Variants in NAV2 observed in about 807,000 individuals in gnomAD.
NAV2 encodes helicase, APC down-regulated 1.
In NAV2, 54 loss-of-function variants were observed where a neutral mutation model predicts 223.2. The observed-to-expected ratio is 0.24, with a 90% CI of 0.19 to 0.30. The LOEUF (loss-of-function observed/expected upper bound fraction) is 0.30. NAV2 is among the 10% of genes least tolerant of loss of function. NAV2 has a pLI of 1.00. For synonymous variants in NAV2, 1,279 were observed against 1,239.3 expected, an observed-to-expected ratio of 1.03 and a Z score of -0.67; for missense variants, 2,806 against 3,147.5, an observed-to-expected ratio of 0.89 and a Z score of 2.60.
At chr11:19,909,801 C>T (rs751483017) in intron 6 of NAV2, among the ~76,000 whole-genome samples, 1 of 152,136 alleles carries the variant, frequency 6.6e-6, no homozygotes, top group Non-Finnish European at 1.5e-5. Flanking sequence ...TCATGTTCCT[C>T]CTCCTCCTCT....
chr11:19,413,887 C>A (rs1307935337), intron 1 of NAV2, among the ~76,000 whole-genome samples: 1 of 152,080 alleles, frequency 6.6e-6, no homozygotes, highest in African/African-American at 2.4e-5. Flanking sequence ...ATTTTACCAC[C>A]ACCAGGCCTG....
intron 1 of NAV2, among the ~76,000 whole-genome samples, chr11:19,432,784 T>C (rs1851081221): frequency 6.6e-6 from 1 of 152,222 alleles, no homozygotes; most frequent in South Asian, 2.1e-4. Context: ...CCAGGGTTTC[T>C]GTGAGGCCCA....
At chr11:19,971,513 G>A (rs552347301) in intron 10 of NAV2, among the ~76,000 whole-genome samples, 47 of 152,164 alleles carry the variant, frequency 3.1e-4, no homozygotes, top group African/African-American at 7.5e-4. Context: ...TGGGCCCCCC[G>A]GTAACACCCC....
At chr11:19,645,164 A>G (rs1392092845) in intron 1 of NAV2, among the ~76,000 whole-genome samples, 1 of 152,162 alleles carries the variant, frequency 6.6e-6, no homozygotes, top group Non-Finnish European at 1.5e-5. Context: ...AGAGGAATTC[A>G]TTTATTTGCC....
chr11:19,346,500 G>A (rs902912274), upstream of NAV2, among the ~76,000 whole-genome samples: 1 of 152,268 alleles, frequency 6.6e-6, no homozygotes, highest in Non-Finnish European at 1.5e-5. Flanking sequence ...CCTCCCGGGT[G>A]TGCGCTCCGC....
intron 1 of NAV2, among the ~76,000 whole-genome samples, chr11:19,391,423 C>A (rs1162618397): frequency 6.6e-6 from 1 of 152,196 alleles, no homozygotes; most frequent in Non-Finnish European, 1.5e-5. Context: ...TTCATCATCA[C>A]CCTCGAGTTA....
chr11:20,045,356 C>T lies in NAV2; in HGVS notation c.3588C>T (p.Pro1196=), dbSNP rs755760685. ...TNLQYRSLPR[P]SKSNSRNGAG... ...TTCAGTACCGGAGTTTGCCGAGGCC[C>T]AGTAAGTCCAACAGCCGGAACGGGG... is the stretch of plus-strand genomic sequence containing the variant. The change falls in exon 14 of 38, where the codon CCC becomes CCT. Residue 1196 remains proline, a synonymous_variant. Transcript: ENST00000349880. The T allele has an allele frequency of 4.8e-5, 77 of 1,614,140 alleles. No homozygotes were observed. Among genetic ancestry groups the T allele is most frequent in the Non-Finnish European group, 6.4e-5 (76 of 1,180,020 alleles).
At chr11:19,996,769 T>C (rs1462568880) in intron 11 of NAV2, among the ~76,000 whole-genome samples, 2 of 152,218 alleles carry the variant, frequency 1.3e-5, no homozygotes, top group African/African-American at 4.8e-5. Flanking sequence ...TCCACTGTGC[T>C]CTTTGATTTA....
intron 1 of NAV2, among the ~76,000 whole-genome samples, chr11:19,679,557 G>C (rs7104439): frequency 0.017 from 2,519 of 152,204 alleles, 64 homozygotes; most frequent in African/African-American, 0.058. Context: ...GTTTAGAAGA[G>C]AGAGATGATT....
intron 1 of NAV2, among the ~76,000 whole-genome samples, chr11:19,763,792 TTTTTTTTG>T (rs1178940992): frequency 2.6e-4 from 18 of 69,586 alleles, no homozygotes; most frequent in Admixed American, 8.2e-4. Flanking sequence ...TGTTTTTTTG[TTTTTTTTG>T]TTTTTTTTTT....
At chr11:20,009,695 A>T (rs139649306) in intron 11 of NAV2, among the ~76,000 whole-genome samples, 4 of 152,190 alleles carry the variant, frequency 2.6e-5, no homozygotes, top group African/African-American at 9.6e-5. Context: ...TTACTATGAG[A>T]TCTGGCTCCT....
chr11:19,844,217 A>G (rs1165393288), intron 3 of NAV2, among the ~76,000 whole-genome samples: 1 of 152,242 alleles, frequency 6.6e-6, no homozygotes, highest in African/African-American at 2.4e-5. Context: ...TGGATGATAG[A>G]AGACTTAATT....
chr11:19,556,528 T>C (rs1301329955), intron 1 of NAV2, among the ~76,000 whole-genome samples: 1 of 152,236 alleles, frequency 6.6e-6, no homozygotes, highest in East Asian at 1.9e-4. Flanking sequence ...TTGATGAGCC[T>C]ATGGGCTTAC....
chr11:19,948,572 G>A, intron 9 of NAV2, 119 bp from the exon 10 acceptor site: 1 of 1,106,130 alleles, frequency 9.0e-7, no homozygotes, highest in South Asian at 2.2e-5. Flanking sequence ...ATGGGGGCTG[G>A]CTGTTTTATC....
rs2060011323 is a variant in NAV2 at position 20,080,315 on chromosome 11, A to T, written c.5325+106A>T. On this transcript the variant is annotated intron_variant, in intron 25 of 37. Coordinates refer to ENST00000349880, the MANE Select transcript of NAV2 (RefSeq NM_145117.5). ...CCAGCCCAGCTACTATCTGTGGAACATAGCACTTTGGGCGTAGATCCCAGG... is the reference window on the plus strand; with the variant it reads ...CCAGCCCAGCTACTATCTGTGGAACTTAGCACTTTGGGCGTAGATCCCAGG... The T allele has an allele frequency of 8.2e-6, 9 of 1,092,204 alleles. No individual in the cohort carries two copies. In the South Asian group the frequency reaches 1.5e-4, roughly 18 times the overall value. 67.7% of individuals were successfully genotyped at this position (1,092,204 alleles called of 1,614,324 possible).
intron 1 of NAV2, among the ~76,000 whole-genome samples, chr11:19,786,103 A>C (rs2057096701): frequency 1.3e-5 from 2 of 152,246 alleles, no homozygotes; most frequent in Admixed American, 1.3e-4. Flanking sequence ...TTCTTGACTT[A>C]ATTCCCAGAA....
chr11:19,859,941 G>A lies in NAV2; in HGVS notation c.439-8984G>A, dbSNP rs1241513668. On this transcript the variant is annotated intron_variant, in intron 3 of 37. Transcript: ENST00000349880. ...GGGCTCCTCACTTCCCAGTAGGGGC[G>A]GCCGGGCAGAGGTGCCCCTCACCTC... Among the ~76,000 whole-genome samples the A allele has an allele frequency of 1.7e-3, 240 of 139,902 alleles. 2 individuals are homozygous for A. The highest frequency in any genetic ancestry group is 6.0e-3 in the African/African-American group (223 of 37,328). The allele number at this position is 139,902 out of a possible 152,430, so 91.8% of individuals were successfully genotyped here. A position where few individuals can be genotyped will look rare whatever the true frequency, so the allele number is the denominator to read the frequency against.
chr11:19,846,369 A>G (rs1375763561), intron 3 of NAV2, among the ~76,000 whole-genome samples: 5 of 152,202 alleles, frequency 3.3e-5, no homozygotes, highest in Admixed American at 1.3e-4. Flanking sequence ...GGAAGAGCCC[A>G]CAGTACAACA....
chr11:19,806,660 A>G (rs749990373), intron 1 of NAV2, among the ~76,000 whole-genome samples: 4 of 152,178 alleles, frequency 2.6e-5, no homozygotes, highest in Non-Finnish European at 4.4e-5. Context: ...ATTTCTAAAG[A>G]GGGGATGGAG....
Sources: allele counts gnomAD v4.1 joint callset (sites outside exome capture counted in the v4.1 genomes callset), GRCh38; gene constraint gnomAD v4.1.1; transcripts MANE v1.5; gene names NCBI Gene and HGNC (gene_info 2026-07-23, HGNC 2026-07-21).